EYA4: variants seen among roughly 807,000 people sequenced by gnomAD.
EYA4 encodes the protein EYA transcriptional coactivator and phosphatase 4.
EYA4 carries 31 observed loss-of-function variants against 87.9 expected under a neutral mutation model. The ratio of observed to expected loss-of-function variants is 0.35; its 90% CI spans 0.27 to 0.48. The LOEUF (loss-of-function observed/expected upper bound fraction) is 0.48. Ranked by LOEUF, EYA4 falls within the 20% of genes least tolerant of loss-of-function variation. The pLI is 0.99. For missense variants in EYA4, 678 were observed against 761.4 expected (o/e 0.89, Z 1.29); for synonymous variants, 263 against 270.6 (o/e 0.97, Z 0.28).
chr6:133,286,728 C>G (rs188004478), intron 2 of EYA4, among the ~76,000 whole-genome samples: 91 of 152,192 alleles, frequency 6.0e-4, no homozygotes, highest in Admixed American at 1.3e-3. Flanking sequence ...TCAAAGTAAC[C>G]AAAATCATGA....
intron 3 of EYA4, among the ~76,000 whole-genome samples, chr6:133,445,298 CTG>C (rs1792706648): frequency 6.6e-6 from 1 of 152,062 alleles, no homozygotes; most frequent in Non-Finnish European, 1.5e-5. Flanking sequence ...CTTCAATAGG[CTG>C]TCTTTCATGA....
chr6:133,251,595 TTAAA>T, intron 1 of EYA4, among the ~76,000 whole-genome samples: 1 of 152,284 alleles, frequency 6.6e-6, no homozygotes, highest in African/African-American at 2.4e-5. Context: ...TTCAGTATAT[TTAAA>T]TAAGAGTTTT....
intron 6 of EYA4, 49 bp from the exon 7 acceptor site, chr6:133,461,065 T>C (rs1794338540): frequency 8.3e-7 from 1 of 1,206,812 alleles, no homozygotes; most frequent in Non-Finnish European, 1.2e-6. Context: ...TCTAGTGAAA[T>C]GTATTTATGA....
rs746766352 is a variant in EYA4 at position 133,461,163 on chromosome 6, A to G, written c.420A>G (p.Pro140=). 1 of 1,612,684 alleles carries G rather than the reference A, an allele frequency of 6.2e-7. No homozygotes were observed. Among genetic ancestry groups the G allele is most frequent in the Non-Finnish European group, 8.5e-7 (1 of 1,178,744 alleles). Residue 140 remains proline (P), a synonymous_variant, in exon 7 of 20, where the codon CCA becomes CCG. Coordinates refer to ENST00000355286, the MANE Select transcript of EYA4 (RefSeq NM_004100.5). ...CCAGATCAGCACATCAGTATTCCCC[A>G]CAGCTGTATCCTTCCAAGTAAGTGG... The part of the protein sequence containing the change: ...YSPRSAHQYS[P]QLYPSKPYPH...
chr6:133,337,918 G>A (rs926548008), intron 2 of EYA4, among the ~76,000 whole-genome samples: 7 of 152,112 alleles, frequency 4.6e-5, no homozygotes, highest in African/African-American at 1.7e-4. Context: ...CGCAGATTGG[G>A]GTTTTAGATG....
intron 19 of EYA4, among the ~76,000 whole-genome samples, chr6:133,525,616 C>T (rs1467024082): frequency 6.6e-6 from 1 of 151,820 alleles, no homozygotes; most frequent in Non-Finnish European, 1.5e-5. Flanking sequence ...ATAGATGAGC[C>T]AGGGGATCTG....
intron 12 of EYA4, 91 bp from the exon 13 acceptor site, chr6:133,482,941 G>A (rs1796344325): frequency 9.6e-7 from 1 of 1,042,300 alleles, no homozygotes; most frequent in African/African-American, 1.6e-5. Flanking sequence ...ATATCAAGAT[G>A]ATCTCTAGGA....
chr6:133,311,505 A>T (rs1160840647), intron 2 of EYA4, among the ~76,000 whole-genome samples: 1 of 151,290 alleles, frequency 6.6e-6, no homozygotes, highest in African/African-American at 2.4e-5. Context: ...TTTTGTGGAG[A>T]TGGGAGTCTC....
In EYA4 at chr6:133,462,475, A is replaced by T. The variant is rs866072739; in HGVS notation, c.578A>T (p.Tyr193Phe). The T allele has an allele frequency of 1.2e-6, 2 of 1,613,442 alleles. No individual in the cohort carries two copies. The highest frequency in any genetic ancestry group is 1.7e-6 in the Non-Finnish European group (2 of 1,179,948). ...QTGQPYSLPT[Y>F]DLGVMLPAIK... is the part of the protein sequence containing the mutation. ...GGACAGCCCTACAGCTTGCCCACTT[A>T]CGGTATTTCACATCTTCTGTTTTCT... Residue 193 changes from tyrosine to phenylalanine, a missense_variant and splice_region_variant, in exon 8 of 20, where the codon TAC (tyrosine) becomes TTC (phenylalanine). Physicochemically the swap from Tyr to Phe is conservative, Grantham distance 22. Coordinates refer to ENST00000355286, the MANE Select transcript of EYA4 (RefSeq NM_004100.5).
intron 2 of EYA4, among the ~76,000 whole-genome samples, chr6:133,329,924 G>GTCGGAGAAGGAACATGATTTT (rs1302193091): frequency 2.6e-5 from 4 of 152,042 alleles, no homozygotes; most frequent in African/African-American, 9.7e-5. Flanking sequence ...AACATGATTT[G>GTCGGAGAAGGAACATGATTTT]TCAGAAAAGG....
At position 133,529,911 on chromosome 6, in the gene EYA4, C is replaced by A. The variant is rs1229093374; in HGVS notation, c.*1106C>A. Reference sequence around the variant, plus strand: ...TAAGTTGCATAGAGGAGGATATTATCATGCAAATCATGAGCAATTATCACA... The same window carrying A: ...TAAGTTGCATAGAGGAGGATATTATAATGCAAATCATGAGCAATTATCACA... On this transcript the variant is annotated 3_prime_UTR_variant, in exon 20 of 20. Transcript: ENST00000355286. 1 of 984,900 alleles carries A rather than the reference C, an allele frequency of 1.0e-6. No individual in the cohort carries two copies. Among genetic ancestry groups the A allele is most frequent in the African/African-American group, 1.7e-5 (1 of 57,222 alleles). The allele number at this position is 984,900 out of a possible 1,614,324, so 61.0% of individuals were successfully genotyped here.
intron 2 of EYA4, among the ~76,000 whole-genome samples, chr6:133,348,826 G>A (rs1324358200): frequency 2.0e-5 from 3 of 151,878 alleles, no homozygotes; most frequent in Admixed American, 2.0e-4. Flanking sequence ...CTTCTAACTT[G>A]TCTCCTTATG....
At chr6:133,511,453 G>GTAGT (rs2128777064) in intron 14 of EYA4, among the ~76,000 whole-genome samples, 1 of 151,672 alleles carries the variant, frequency 6.6e-6, no homozygotes, top group African/African-American at 2.4e-5. Flanking sequence ...TTAATATGAT[G>GTAGT]TAGTTATTTA....
chr6:133,490,245 A>C (rs1336268681), intron 13 of EYA4, among the ~76,000 whole-genome samples: 2 of 152,108 alleles, frequency 1.3e-5, no homozygotes, highest in Non-Finnish European at 2.9e-5. Context: ...GGAAGACAAG[A>C]AGAAGGAAGA....
At chr6:133,422,933 A>G (rs148288918) in intron 3 of EYA4, among the ~76,000 whole-genome samples, 267 of 151,048 alleles carry the variant, frequency 1.8e-3, no homozygotes, top group African/African-American at 5.8e-3. Flanking sequence ...CTCTGGCAAC[A>G]GTTTTGTTTT....
At chr6:133,249,056 T>G (rs1299199840) in intron 1 of EYA4, among the ~76,000 whole-genome samples, 1 of 152,238 alleles carries the variant, frequency 6.6e-6, no homozygotes, top group Non-Finnish European at 1.5e-5. Flanking sequence ...ACTTGGTAAA[T>G]GCTTGTTAAA....
Position 133,291,269 on chromosome 6 carries a change from T to C in EYA4, c.33+16456T>C, listed in dbSNP as rs551354811. 3.3e-5 allele frequency among the ~76,000 whole-genome samples: 5 copies of C among 152,336 alleles called. No individual in the cohort carries two copies. The South Asian group carries it at 1.0e-3, about 32-fold the overall frequency. ...GTATTCAGGAAGTTAAAATATTTAT[T>C]CAACAAAGATTTAAAAGCATTTTAC... is the stretch of plus-strand genomic sequence containing the variant. On this transcript the variant is annotated intron_variant, in intron 2 of 19. Transcript: ENST00000355286.
intron 2 of EYA4, among the ~76,000 whole-genome samples, chr6:133,317,398 T>C (rs149532668): frequency 3.2e-4 from 48 of 152,290 alleles, no homozygotes; most frequent in African/African-American, 1.1e-3. Flanking sequence ...ACAAACCCAG[T>C]CATCATTTCT....
intron 3 of EYA4, among the ~76,000 whole-genome samples, chr6:133,430,215 A>G (rs1486919310): frequency 6.6e-6 from 1 of 152,224 alleles, no homozygotes; most frequent in Non-Finnish European, 1.5e-5. Context: ...AACATAATGG[A>G]ATCATGTCCT....
Sources: gnomAD v4.1 joint callset for allele counts (sites outside exome capture counted in the v4.1 genomes callset) on GRCh38, gnomAD v4.1.1 for gene constraint, MANE v1.5 for transcripts, NCBI Gene and HGNC (gene_info 2026-07-23, HGNC 2026-07-21) for gene names.